Variants in CRACD observed in about 807,000 individuals in gnomAD.
The protein encoded by CRACD is capping protein-inhibiting regulator of actin dynamics.
In CRACD, 56 loss-of-function variants were observed where a neutral mutation model predicts 106.8. That is an observed-to-expected ratio of 0.52 (90% CI 0.42 to 0.66). The LOEUF (loss-of-function observed/expected upper bound fraction) is 0.66, where lower values mean the gene tolerates loss of function less well. CRACD is among the 30% of genes least tolerant of loss of function. The pLI is 0.00. For synonymous variants in CRACD, 754 were observed against 670.8 expected (o/e 1.12, Z -1.92); for missense variants, 1,730 against 1,623.2 (o/e 1.07, Z -1.13).
At chr4:56,145,102 A>G (rs1208832053) in intron 1 of CRACD, among the ~76,000 whole-genome samples, 1 of 152,014 alleles carries the variant, frequency 6.6e-6, no homozygotes, top group East Asian at 1.9e-4. Context: ...TTTTTTGTAT[A>G]TTTTCAAAAA....
chr4:56,163,800 C>A (rs1736043212), intron 1 of CRACD, among the ~76,000 whole-genome samples: 1 of 151,890 alleles, frequency 6.6e-6, no homozygotes, highest in South Asian at 2.1e-4. Context: ...AACTGCAGTG[C>A]CATGGCACAG....
chr4:56,292,649 C>T lies in CRACD; in HGVS notation c.-16-5565C>T, dbSNP rs541675719. Reference sequence around the variant, plus strand: ...ACACCATTCTCCTGCCTCAGCCTCCCGAGTAGCTGGGACTACAGGCGCCTG... The same window carrying T: ...ACACCATTCTCCTGCCTCAGCCTCCTGAGTAGCTGGGACTACAGGCGCCTG... On this transcript the variant is annotated intron_variant, in intron 3 of 10. Coordinates refer to ENST00000682029, the MANE Select transcript of CRACD (RefSeq NM_001393381.1). 2.9e-3 allele frequency among the ~76,000 whole-genome samples: 434 copies of T among 152,114 alleles called. 3 individuals are homozygous for T. Among genetic ancestry groups the T allele is most frequent in the Non-Finnish European group, 3.2e-3 (216 of 67,986 alleles).
At chr4:56,297,994 A>G (rs900634967) in intron 3 of CRACD, 6 of 438,452 alleles carry the variant, frequency 1.4e-5, no homozygotes, top group Admixed American at 1.0e-4. Flanking sequence ...TTGTGTTCTC[A>G]CGGTGAATGG....
At chr4:56,060,236 A>G (rs1452423817) in intron 1 of CRACD, among the ~76,000 whole-genome samples, 2 of 151,932 alleles carry the variant, frequency 1.3e-5, no homozygotes, top group Admixed American at 1.3e-4. Flanking sequence ...TCCCTACTCC[A>G]GCTGTTCATG....
At chr4:56,132,866 G>C (rs1472171895) in intron 1 of CRACD, among the ~76,000 whole-genome samples, 2 of 152,088 alleles carry the variant, frequency 1.3e-5, no homozygotes, top group Non-Finnish European at 2.9e-5. Context: ...TTAGCTAATA[G>C]GCCTAAATTT....
At chr4:56,325,497 C>T (rs1282937354) in intron 10 of CRACD, among the ~76,000 whole-genome samples, 1 of 152,184 alleles carries the variant, frequency 6.6e-6, no homozygotes, top group Non-Finnish European at 1.5e-5. Flanking sequence ...TGTGATTTCA[C>T]GCAGCGGGTT....
chr4:56,172,523 C>T (rs932364245), intron 1 of CRACD, among the ~76,000 whole-genome samples: 7 of 152,182 alleles, frequency 4.6e-5, no homozygotes, highest in Admixed American at 2.6e-4. Flanking sequence ...TGTGCAATGG[C>T]ATGATCTCGG....
intron 3 of CRACD, among the ~76,000 whole-genome samples, chr4:56,273,871 T>A (rs567610265): frequency 6.6e-6 from 1 of 152,362 alleles, no homozygotes; most frequent in East Asian, 1.9e-4. Context: ...ATATGTGATA[T>A]TCTCACCGTG....
intron 2 of CRACD, among the ~76,000 whole-genome samples, chr4:56,260,546 CTGTAA>C (rs980902246): frequency 9.2e-5 from 14 of 152,266 alleles, no homozygotes; most frequent in Non-Finnish European, 2.1e-4. Context: ...TTTAATGAAA[CTGTAA>C]TGTTGTTTAA....
intron 1 of CRACD, among the ~76,000 whole-genome samples, chr4:56,149,924 A>C (rs1735523759): frequency 6.6e-6 from 1 of 152,202 alleles, no homozygotes; most frequent in South Asian, 2.1e-4. Flanking sequence ...TTGAAAACTC[A>C]GTCTCTCCAT....
At chr4:56,165,407 T>C (rs1218315874) in intron 1 of CRACD, among the ~76,000 whole-genome samples, 1 of 152,172 alleles carries the variant, frequency 6.6e-6, no homozygotes, top group East Asian at 1.9e-4. Context: ...ACTCATTCAA[T>C]CCAGGAAACC....
chr4:56,218,708 A>G (rs911337943), intron 2 of CRACD, among the ~76,000 whole-genome samples: 11 of 151,664 alleles, frequency 7.3e-5, no homozygotes, highest in African/African-American at 2.7e-4. Flanking sequence ...CCTGGCCTCA[A>G]GCAATTCTCT....
intron 1 of CRACD, among the ~76,000 whole-genome samples, chr4:56,178,003 T>G (rs938905074): frequency 6.6e-6 from 1 of 152,226 alleles, no homozygotes; most frequent in East Asian, 1.9e-4. Context: ...CAATGTTATT[T>G]GTTTATGCTC....
chr4:56,285,132 G>A (rs890908264), intron 3 of CRACD, among the ~76,000 whole-genome samples: 2 of 152,240 alleles, frequency 1.3e-5, no homozygotes, highest in Non-Finnish European at 2.9e-5. Flanking sequence ...AACAAAGGGG[G>A]AAGTGCCACA....
At position 56,054,339 on chromosome 4, in the gene CRACD, T is replaced by C. The variant is rs143091320; in HGVS notation, c.-336+5040T>C. 2.7e-3 allele frequency among the ~76,000 whole-genome samples: 413 copies of C among 152,048 alleles called. 2 individuals carry two copies. The highest frequency in any genetic ancestry group is 8.8e-3 in the African/African-American group (364 of 41,470). On this transcript the variant is annotated intron_variant, in intron 1 of 10. Transcript: ENST00000682029. ...GGGACCATAGGCGCATGCCACCACA[T>C]CTGGTTAATTATTTTTTGTAGAGAT...
intron 2 of CRACD, among the ~76,000 whole-genome samples, chr4:56,229,634 T>C (rs1419802692): frequency 6.6e-6 from 1 of 152,140 alleles, no homozygotes; most frequent in African/African-American, 2.4e-5. Flanking sequence ...CAATAAGAAA[T>C]CCACAGTAAA....
At chr4:56,180,404 G>T (rs996108691) in intron 2 of CRACD, among the ~76,000 whole-genome samples, 2 of 151,814 alleles carry the variant, frequency 1.3e-5, no homozygotes, top group Non-Finnish European at 2.9e-5. Flanking sequence ...CAGGAGAATC[G>T]CCTGAACCCG....
At chr4:56,060,388 G>A (rs1473619374) in intron 1 of CRACD, among the ~76,000 whole-genome samples, 1 of 152,090 alleles carries the variant, frequency 6.6e-6, no homozygotes, top group African/African-American at 2.4e-5. Context: ...GTGAATACTC[G>A]TAACAGGGTA....
chr4:56,319,734 A>AT (rs1213882876), intron 8 of CRACD, among the ~76,000 whole-genome samples: 6 of 152,198 alleles, frequency 3.9e-5, no homozygotes, highest in African/African-American at 1.4e-4. Context: ...GTACGCAACC[A>AT]TTTTTGGAGA....
Sources: allele counts gnomAD v4.1 joint callset (sites outside exome capture counted in the v4.1 genomes callset), GRCh38; gene constraint gnomAD v4.1.1; transcripts MANE v1.5; gene names NCBI Gene and HGNC (gene_info 2026-07-23, HGNC 2026-07-21).